The following AGBL4 variants were observed in gnomAD, a reference collection of about 807,000 sequenced individuals.
AGBL4 encodes cytosolic carboxypeptidase 6.
In AGBL4, 58 loss-of-function variants were observed where a neutral mutation model predicts 66.4. That is an observed-to-expected ratio of 0.87 (90% CI 0.71 to 1.09). The LOEUF is 1.09. Ranked by LOEUF, AGBL4 falls within the 50% of genes least tolerant of loss-of-function variation. AGBL4 has a pLI of 0.00. For missense variants in AGBL4, 579 were observed against 631.0 expected (o/e 0.92, Z 0.88); for synonymous variants, 234 against 222.9 (o/e 1.05, Z -0.44).
At chr1:48,774,719 G>A (rs1305569090) in intron 6 of AGBL4, among the ~76,000 whole-genome samples, 2 of 152,144 alleles carry the variant, frequency 1.3e-5, no homozygotes, top group African/African-American at 4.8e-5. Flanking sequence ...GACTTGTGTC[G>A]ATTTCAAAAT....
At chr1:49,226,941 C>A (rs565659565) in intron 4 of AGBL4, among the ~76,000 whole-genome samples, 47 of 152,128 alleles carry the variant, frequency 3.1e-4, no homozygotes, top group Non-Finnish European at 5.7e-4. Flanking sequence ...TGGTGAGAGC[C>A]CTTTCCCTGC....
intron 5 of AGBL4, among the ~76,000 whole-genome samples, chr1:48,943,554 C>T (rs993609330): frequency 2.6e-5 from 4 of 152,232 alleles, no homozygotes; most frequent in African/African-American, 9.6e-5. Flanking sequence ...CTTAGTAACA[C>T]TTGCTCAGAA....
At chr1:48,883,447 T>C (rs1408725835) in intron 5 of AGBL4, among the ~76,000 whole-genome samples, 2 of 152,208 alleles carry the variant, frequency 1.3e-5, no homozygotes, top group African/African-American at 2.4e-5. Context: ...TACTCATTTA[T>C]AGACTGAAGT....
intron 2 of AGBL4, among the ~76,000 whole-genome samples, chr1:49,804,792 T>G (rs1644939908): frequency 6.6e-6 from 1 of 152,230 alleles, no homozygotes; most frequent in South Asian, 2.1e-4. Flanking sequence ...AATTTGAGAA[T>G]CAGGCTTTTC....
chr1:49,866,635 G>T (rs1431257041), intron 1 of AGBL4, among the ~76,000 whole-genome samples: 1 of 151,956 alleles, frequency 6.6e-6, no homozygotes, highest in Non-Finnish European at 1.5e-5. Flanking sequence ...GTGGTGGCAT[G>T]CACCTGTAAT....
chr1:48,842,644 T>C (rs1328819766), intron 6 of AGBL4, among the ~76,000 whole-genome samples: 2 of 152,314 alleles, frequency 1.3e-5, no homozygotes. Flanking sequence ...AACTGCTGTA[T>C]GATCCGGCAA....
At chr1:49,156,064 CTGACTCT>C (rs1258580420) in intron 4 of AGBL4, among the ~76,000 whole-genome samples, 3 of 152,214 alleles carry the variant, frequency 2.0e-5, no homozygotes, top group Non-Finnish European at 4.4e-5. Context: ...TGCTGAATCT[CTGACTCT>C]TGTTTGCTAC....
chr1:48,760,769 T>C lies in AGBL4; in HGVS notation c.635-97528A>G, dbSNP rs573516077. ...TTCTCCCTTCCTCTCAGGTATCTAC[T>C]GCACAGAAAAAAACAGCTAGCTTGC... On this transcript the variant is annotated intron_variant, in intron 6 of 13. Coordinates refer to ENST00000371839, the MANE Select transcript of AGBL4 (RefSeq NM_032785.4). Among the ~76,000 whole-genome samples the C allele has an allele frequency of 2.8e-4, 43 of 152,286 alleles. No homozygotes were observed. The South Asian group carries it at 3.9e-3, about 14-fold the overall frequency.
chr1:49,158,828 T>C lies in AGBL4; in HGVS notation c.377+86942A>G, dbSNP rs184395062. On this transcript the variant is annotated intron_variant, in intron 4 of 13. Transcript: ENST00000371839. Reference sequence around the variant, plus strand: ...CCTTTACCATTATGCAATGCCCTTCTTTGTCTCTTTTGGTCTTTGTTGGTT... The same window carrying C: ...CCTTTACCATTATGCAATGCCCTTCCTTGTCTCTTTTGGTCTTTGTTGGTT... Among the ~76,000 whole-genome samples the C allele has an allele frequency of 8.6e-5, 13 of 151,850 alleles. No homozygotes were observed. In the East Asian group the frequency reaches 2.5e-3, roughly 30 times the overall value.
intron 6 of AGBL4, among the ~76,000 whole-genome samples, chr1:48,860,200 C>T (rs986682358): frequency 1.3e-5 from 2 of 152,112 alleles, no homozygotes; most frequent in Admixed American, 1.3e-4. Context: ...AATCAACTTT[C>T]TAAAAAGTAA....
chr1:49,554,468 G>T (rs1653240604), intron 3 of AGBL4, among the ~76,000 whole-genome samples: 1 of 151,994 alleles, frequency 6.6e-6, no homozygotes, highest in African/African-American at 2.4e-5. Flanking sequence ...CATTTTTTTA[G>T]CTTACTAAAC....
intron 6 of AGBL4, among the ~76,000 whole-genome samples, chr1:48,797,356 T>G (rs1645708715): frequency 6.6e-6 from 1 of 152,194 alleles, no homozygotes; most frequent in African/African-American, 2.4e-5. Flanking sequence ...TATGTAGTGT[T>G]TTATCCCTCA....
chr1:49,634,004 A>T (rs955876658), intron 3 of AGBL4, among the ~76,000 whole-genome samples: 1 of 151,116 alleles, frequency 6.6e-6, no homozygotes, highest in Non-Finnish European at 1.5e-5. Context: ...TTATTTCAAC[A>T]TACTATCAAT....
At chr1:49,482,393 AT>A (rs202168670) in intron 3 of AGBL4, among the ~76,000 whole-genome samples, 4 of 150,950 alleles carry the variant, frequency 2.6e-5, no homozygotes, top group Admixed American at 1.3e-4. Flanking sequence ...GGATTTATCC[AT>A]TTTTTTTCTA....
At chr1:49,899,711 T>C (rs1276274326) in intron 1 of AGBL4, among the ~76,000 whole-genome samples, 2 of 152,142 alleles carry the variant, frequency 1.3e-5, no homozygotes, top group Admixed American at 1.3e-4. Flanking sequence ...ACTCCTGGTT[T>C]ATTTAATTGG....
At chr1:49,390,991 T>C (rs1644833316) in intron 3 of AGBL4, among the ~76,000 whole-genome samples, 1 of 152,140 alleles carries the variant, frequency 6.6e-6, no homozygotes, top group Admixed American at 6.5e-5. Flanking sequence ...AGAGGAGATA[T>C]GCTGAGCTGA....
At chr1:48,935,731 GC>G (rs1277905417) in intron 5 of AGBL4, among the ~76,000 whole-genome samples, 4 of 150,460 alleles carry the variant, frequency 2.7e-5, no homozygotes, top group African/African-American at 9.8e-5. Flanking sequence ...GCCTAGGTGG[GC>G]AGATCACTTG....
intron 11 of AGBL4, among the ~76,000 whole-genome samples, chr1:48,561,046 C>A (rs1209553011): frequency 6.6e-6 from 1 of 152,226 alleles, no homozygotes; most frequent in Non-Finnish European, 1.5e-5. Flanking sequence ...CCTAATGCTC[C>A]ATTATCATCC....
intron 1 of AGBL4, among the ~76,000 whole-genome samples, chr1:49,990,410 T>G: frequency 6.6e-6 from 1 of 152,284 alleles, no homozygotes; most frequent in Non-Finnish European, 1.5e-5. Context: ...CCACAAGTTC[T>G]TCTTTCATTC....
Sources: allele counts gnomAD v4.1 joint callset (sites outside exome capture counted in the v4.1 genomes callset), GRCh38; gene constraint gnomAD v4.1.1; transcripts MANE v1.5; gene names NCBI Gene and HGNC (gene_info 2026-07-23, HGNC 2026-07-21).